The following RAPGEF4 variants were observed in gnomAD, a reference collection of about 807,000 sequenced individuals.
The protein encoded by RAPGEF4 is Rap guanine nucleotide exchange factor 4.
In RAPGEF4, 66 loss-of-function variants were observed where a neutral mutation model predicts 147.9. The observed-to-expected ratio is 0.45, with a 90% CI of 0.37 to 0.55. The LOEUF (loss-of-function observed/expected upper bound fraction) is 0.55, where lower values mean the gene tolerates loss of function less well. RAPGEF4 is among the 20% of genes least tolerant of loss of function. The probability of loss-of-function intolerance (pLI) is 0.00; values close to 1 mark genes in which losing one functional copy is unlikely to be tolerated. For synonymous variants in RAPGEF4, 419 were observed against 442.7 expected, an observed-to-expected ratio of 0.95 and a Z score of 0.67; for missense variants, 1,071 against 1,257.3, an observed-to-expected ratio of 0.85 and a Z score of 2.24.
At chr2:172,803,822 C>G (rs1024854915) in intron 3 of RAPGEF4, among the ~76,000 whole-genome samples, 3 of 152,118 alleles carry the variant, frequency 2.0e-5, no homozygotes, top group Admixed American at 2.0e-4. Context: ...TGCCAGAAAC[C>G]CTAAATCATC....
rs139190874 is a variant in RAPGEF4 at position 172,822,954 on chromosome 2, C to G, written c.444+8529C>G. ...TTCAGCAAACATACTTGTTTCCCACCAGGTGGAGGTGCAAAATGCCCTCTG... is the reference window on the plus strand; with the variant it reads ...TTCAGCAAACATACTTGTTTCCCACGAGGTGGAGGTGCAAAATGCCCTCTG... On this transcript the variant is annotated intron_variant, in intron 4 of 30. Coordinates refer to ENST00000397081, the MANE Select transcript of RAPGEF4 (RefSeq NM_007023.4). Among the ~76,000 whole-genome samples the G allele has an allele frequency of 2.6e-5, 4 of 152,308 alleles. No individual in the cohort carries two copies. In the East Asian group the frequency reaches 7.7e-4, roughly 29 times the overall value.
At chr2:172,990,972 T>A in intron 15 of RAPGEF4, 47 bp downstream of exon 15, 2 of 1,363,098 alleles carry the variant, frequency 1.5e-6, no homozygotes, top group Non-Finnish European at 2.1e-6. Flanking sequence ...GATTAACCTT[T>A]TCACATGGTA....
At chr2:173,025,984 C>G (rs1207331203) in intron 23 of RAPGEF4, among the ~76,000 whole-genome samples, 1 of 152,170 alleles carries the variant, frequency 6.6e-6, no homozygotes, top group South Asian at 2.1e-4. Flanking sequence ...CATAACCATG[C>G]GAATAACATC....
At chr2:172,850,411 A>T (rs1233956411) in intron 4 of RAPGEF4, among the ~76,000 whole-genome samples, 4 of 152,014 alleles carry the variant, frequency 2.6e-5, no homozygotes, top group Non-Finnish European at 4.4e-5. Flanking sequence ...AGGTCAGGAG[A>T]TCAAGACCAC....
Position 172,939,955 on chromosome 2 carries a change from T to C in RAPGEF4, c.537+17655T>C, listed in dbSNP as rs373779006. 3.9e-5 allele frequency among the ~76,000 whole-genome samples: 6 copies of C among 152,214 alleles called. No individual in the cohort carries two copies. The East Asian group carries it at 1.2e-3, about 29-fold the overall frequency. ...GACTATGTTTATGTGGGTCTATTTT[T>C]GGACTTCACATTCTGTTCCATTCAT... On this transcript the variant is annotated intron_variant, in intron 6 of 30. Transcript: ENST00000397081.
chr2:172,840,498 T>C (rs1366289332), intron 4 of RAPGEF4, among the ~76,000 whole-genome samples: 1 of 152,232 alleles, frequency 6.6e-6, no homozygotes, highest in African/African-American at 2.4e-5. Context: ...CTCTTAGTTG[T>C]TGATACTTTT....
chr2:172,736,196 C>T (rs893197856), intron 1 of RAPGEF4, 148 bp downstream of exon 1: 3 of 464,216 alleles, frequency 6.5e-6, no homozygotes, highest in Non-Finnish European at 1.0e-5. Context: ...GGTCCTCGTC[C>T]GGGAGACAGG....
chr2:172,779,019 C>T (rs1220707316), intron 1 of RAPGEF4, among the ~76,000 whole-genome samples: 1 of 152,106 alleles, frequency 6.6e-6, no homozygotes, highest in Non-Finnish European at 1.5e-5. Context: ...TTAATTTTCT[C>T]TGAAGTGCCG....
At chr2:172,998,943 A>T (rs887136044) in intron 16 of RAPGEF4, among the ~76,000 whole-genome samples, 1 of 152,224 alleles carries the variant, frequency 6.6e-6, no homozygotes, top group Non-Finnish European at 1.5e-5. Context: ...AAGGGCAAGT[A>T]TAGCCTTCCT....
intron 4 of RAPGEF4, among the ~76,000 whole-genome samples, chr2:172,892,818 A>T (rs560719652): frequency 1.3e-5 from 2 of 152,312 alleles, no homozygotes; most frequent in African/African-American, 4.8e-5. Context: ...CTTTCAGAAG[A>T]GTTCAGACTA....
chr2:172,744,359 T>C (rs976745701), intron 1 of RAPGEF4: 3 of 455,238 alleles, frequency 6.6e-6, no homozygotes, highest in Admixed American at 2.4e-5. Context: ...TATTAATCTT[T>C]TTGAATCTTT....
chr2:172,906,047 T>A (rs1374229767), intron 4 of RAPGEF4, among the ~76,000 whole-genome samples: 1 of 152,194 alleles, frequency 6.6e-6, no homozygotes, highest in Non-Finnish European at 1.5e-5. Flanking sequence ...GGTTTAAGAA[T>A]TCTGTAGTAC....
At chr2:172,917,752 C>T in intron 4 of RAPGEF4, 50 bp from the exon 5 acceptor site, 2 of 1,486,672 alleles carry the variant, frequency 1.3e-6, no homozygotes, top group Non-Finnish European at 1.9e-6. Context: ...TAAATGAATG[C>T]TCAAAGCAAG....
At chr2:172,789,549 T>C (rs1009297339) in intron 1 of RAPGEF4, among the ~76,000 whole-genome samples, 35 of 152,248 alleles carry the variant, frequency 2.3e-4, no homozygotes, top group African/African-American at 8.0e-4. Context: ...TACAGTGTTA[T>C]ACAGCAGATC....
chr2:172,912,082 G>T (rs547288612), intron 4 of RAPGEF4, among the ~76,000 whole-genome samples: 1 of 152,036 alleles, frequency 6.6e-6, no homozygotes. Context: ...CTGCCTTCTG[G>T]GTTTTTAGTT....
Position 172,836,556 on chromosome 2 carries a change from C to T in RAPGEF4, c.444+22131C>T, listed in dbSNP as rs982650937. Among the ~76,000 whole-genome samples, 133 of 152,128 alleles carry T rather than the reference C, an allele frequency of 8.7e-4. 2 individuals carry two copies. The highest frequency in any genetic ancestry group is 3.3e-4 in the Admixed American group (5 of 15,272). ...AGAAGGGTATTGTCCTGAGGTGTGGCGTCCTTTTGACTTCCTCCCCCAAAT... is the reference window on the plus strand; with the variant it reads ...AGAAGGGTATTGTCCTGAGGTGTGGTGTCCTTTTGACTTCCTCCCCCAAAT... On this transcript the variant is annotated intron_variant, in intron 4 of 30. Transcript: ENST00000397081.
At chr2:173,017,377 A>C (rs546219862) in intron 20 of RAPGEF4, 49 bp from the exon 21 acceptor site, 1 of 1,549,510 alleles carries the variant, frequency 6.5e-7, no homozygotes, top group African/African-American at 1.4e-5. Context: ...AGATGCTAGC[A>C]TGCATTGGTC....
chr2:172,855,822 A>G (rs1693351364), intron 4 of RAPGEF4, among the ~76,000 whole-genome samples: 2 of 152,170 alleles, frequency 1.3e-5, no homozygotes, highest in Admixed American at 6.5e-5. Flanking sequence ...GTTACTACTA[A>G]TATAGTTTTC....
rs1683956081 is a variant in RAPGEF4, at chr2:173,036,022, C to T, written c.2701-103C>T. On this transcript the variant is annotated intron_variant, in intron 27 of 30. Coordinates refer to ENST00000397081, the MANE Select transcript of RAPGEF4 (RefSeq NM_007023.4). ...ATTCAAACCTGTGTTGTTCAAAGGTCAACTGTACCTGATTGTGGGGTGAAA... is the reference window on the plus strand; with the variant it reads ...ATTCAAACCTGTGTTGTTCAAAGGTTAACTGTACCTGATTGTGGGGTGAAA... The T allele has an allele frequency of 1.0e-5, 9 of 857,636 alleles. No individual in the cohort carries two copies. In the South Asian group the frequency reaches 1.2e-4, roughly 11 times the overall value. The allele number at this position is 857,636 out of a possible 1,614,324, so 53.1% of individuals were successfully genotyped here. A position where few individuals can be genotyped will look rare whatever the true frequency, so the allele number is the denominator to read the frequency against.
Sources: allele counts gnomAD v4.1 joint callset (sites outside exome capture counted in the v4.1 genomes callset), GRCh38; gene constraint gnomAD v4.1.1; transcripts MANE v1.5; gene names NCBI Gene and HGNC (gene_info 2026-07-23, HGNC 2026-07-21).